AXIN1: variants seen among roughly 807,000 people sequenced by gnomAD.
AXIN1 encodes axin 1.
Under a neutral mutation model 76.4 loss-of-function variants are expected in AXIN1, and 30 were observed. The observed-to-expected ratio is 0.39, with a 90% CI of 0.29 to 0.53. AXIN1 has a LOEUF of 0.53. Ranked by LOEUF, AXIN1 falls within the 20% of genes least tolerant of loss-of-function variation. AXIN1 has a pLI of 0.66. For synonymous variants in AXIN1, 545 were observed against 501.4 expected (o/e 1.09, Z -1.16); for missense variants, 1,140 against 1,198.8 (o/e 0.95, Z 0.72).
At chr16:351,800 A>C (rs1043280017) in intron 1 of AXIN1, among the ~76,000 whole-genome samples, 1 of 152,080 alleles carries the variant, frequency 6.6e-6, no homozygotes, top group Non-Finnish European at 1.5e-5. Flanking sequence ...CAGAGAACTG[A>C]CATGTTTTTC....
chr16:297,145 G>C lies in AXIN1; in HGVS notation c.1866C>G (p.Ala622=). 2 of 1,612,476 alleles carry C rather than the reference G, an allele frequency of 1.2e-6. No homozygotes were observed. The highest frequency in any genetic ancestry group is 1.7e-4 in the Middle Eastern group (1 of 6,060). Residue 622 remains alanine, a synonymous_variant, in exon 7 of 11, where the codon GCC becomes GCG. Coordinates refer to ENST00000262320, the MANE Select transcript of AXIN1 (RefSeq NM_003502.4). ...GKSASTEVPG[A]SEDAEKNQKI... ...TCTGGTTCTTCTCCGCATCCTCCGA[G>C]GCACCTGGCACCTCGGTGCTGGCGC...
chr16:299,515 C>G (rs2052810764), intron 5 of AXIN1, among the ~76,000 whole-genome samples: 1 of 151,154 alleles, frequency 6.6e-6, no homozygotes, highest in African/African-American at 2.4e-5. Flanking sequence ...ACCATGCCTG[C>G]CTAATTTTTT....
intron 5 of AXIN1, among the ~76,000 whole-genome samples, chr16:299,883 C>A (rs1280315544): frequency 6.7e-6 from 1 of 149,194 alleles, no homozygotes; most frequent in Non-Finnish European, 1.5e-5. Context: ...TCTCGATCTC[C>A]CGACCTCGTG....
In AXIN1 at chr16:352,560, G is replaced by C; in HGVS notation, c.-273C>G. 1 of 274,972 alleles carries C rather than the reference G, an allele frequency of 3.6e-6. No individual in the cohort carries two copies. The highest frequency in any genetic ancestry group is 5.4e-6 in the Non-Finnish European group (1 of 183,496). 17.0% of individuals were successfully genotyped at this position (274,972 alleles called of 1,614,324 possible). A position where few individuals can be genotyped will look rare whatever the true frequency, so the allele number is the denominator to read the frequency against. The stretch of plus-strand genomic sequence containing the variant: ...GGCAGGCCGCGGGGGCGCCGCAGGG[G>C]CCCAGCCGCCAGCTCCCACCCGCCC... On this transcript the variant is annotated 5_prime_UTR_variant, in exon 1 of 11. Coordinates refer to ENST00000262320, the MANE Select transcript of AXIN1 (RefSeq NM_003502.4).
chr16:310,301 C>T (rs940710999), intron 3 of AXIN1, among the ~76,000 whole-genome samples: 4 of 152,230 alleles, frequency 2.6e-5, no homozygotes, highest in African/African-American at 9.6e-5. Flanking sequence ...CCCAGCCACG[C>T]GTCTTCCTAG....
chr16:316,833 G>A (rs1567283354), intron 2 of AXIN1, among the ~76,000 whole-genome samples: 1 of 152,188 alleles, frequency 6.6e-6, no homozygotes, highest in East Asian at 1.9e-4. Flanking sequence ...TCCCAGAGGG[G>A]AAAACAGTAT....
At chr16:297,492 G>A (rs2052745794) in intron 6 of AXIN1, among the ~76,000 whole-genome samples, 1 of 152,266 alleles carries the variant, frequency 6.6e-6, no homozygotes, top group Non-Finnish European at 1.5e-5. Context: ...TGAAGACTGA[G>A]GGCCAGAGCG....
intron 2 of AXIN1, among the ~76,000 whole-genome samples, chr16:334,397 CCCAG>C: frequency 6.7e-6 from 1 of 149,032 alleles, no homozygotes; most frequent in Non-Finnish European, 1.5e-5. Context: ...ATGCCAATAA[CCCAG>C]CACCCAGTAC....
intron 2 of AXIN1, among the ~76,000 whole-genome samples, chr16:326,077 A>G (rs2053573253): frequency 6.6e-6 from 1 of 152,098 alleles, no homozygotes; most frequent in Admixed American, 6.6e-5. Flanking sequence ...AACAAGGGCC[A>G]GGCGTGGTGG....
At chr16:310,643 C>T (rs1272670050) in intron 3 of AXIN1, among the ~76,000 whole-genome samples, 5 of 152,298 alleles carry the variant, frequency 3.3e-5, no homozygotes, top group Non-Finnish European at 7.4e-5. Flanking sequence ...GTGATCCGCC[C>T]GCCTCGGCCT....
At chr16:349,215 CT>C (rs1417411519) in intron 1 of AXIN1, among the ~76,000 whole-genome samples, 1 of 152,188 alleles carries the variant, frequency 6.6e-6, no homozygotes, top group Non-Finnish European at 1.5e-5. Context: ...CAGCTAAGGA[CT>C]TTTTGTGAAC....
chr16:310,144 G>A (rs1288654590), intron 3 of AXIN1, 75 bp from the exon 4 acceptor site: 3 of 1,373,838 alleles, frequency 2.2e-6, no homozygotes, highest in East Asian at 5.0e-5. Context: ...AGAGCTCCTG[G>A]CCCCGACCGC....
intron 2 of AXIN1, among the ~76,000 whole-genome samples, chr16:325,712 G>T (rs2053566187): frequency 6.6e-6 from 1 of 152,208 alleles, no homozygotes. Context: ...GCAGGCTCCA[G>T]CCCTGAGAAG....
chr16:289,141 A>T (rs1427155548), intron 10 of AXIN1, among the ~76,000 whole-genome samples: 2 of 149,164 alleles, frequency 1.3e-5, no homozygotes, highest in African/African-American at 5.0e-5. Context: ...CAGGCTGGAG[A>T]GCAGTGGCGT....
At chr16:329,733 C>T (rs1440100555) in intron 2 of AXIN1, among the ~76,000 whole-genome samples, 5 of 152,144 alleles carry the variant, frequency 3.3e-5, no homozygotes, top group Non-Finnish European at 5.9e-5. Context: ...ACGCCATTCT[C>T]CTGCTTCAGC....
intron 7 of AXIN1, 48 bp downstream of exon 7, chr16:297,008 G>C: frequency 1.3e-6 from 2 of 1,597,388 alleles, no homozygotes; most frequent in African/African-American, 2.7e-5. Context: ...CGGAGGCCAG[G>C]GGTGGCAAAG....
Position 298,201 on chromosome 16 carries a change from A to C in AXIN1, c.1305T>G (p.Cys435Trp). The C allele has an allele frequency of 6.5e-7, 1 of 1,541,422 alleles. No homozygotes were observed. The highest frequency in any genetic ancestry group is 8.7e-7 in the Non-Finnish European group (1 of 1,147,232). Reference protein sequence around the residue: ...GDPSSGPPGPCHKLPPAPAWH... With the variant: ...GDPSSGPPGPWHKLPPAPAWH... ...AAGCGGGGGCGGGAGGCAGCTTGTG[A>C]CACGGCCCTGGGGGCCCTGACGATG... Residue 435 changes from cysteine to tryptophan, a missense_variant, in exon 6 of 11, where the codon TGT becomes TGG. Physicochemically the swap from Cys to Trp is radical, Grantham distance 215. This residue lies in a region of AXIN1 where 708 missense variants were observed against 776.9 expected (regional missense o/e 0.91). Coordinates refer to ENST00000262320, the MANE Select transcript of AXIN1 (RefSeq NM_003502.4).
chr16:297,694 C>T (rs903399954), intron 6 of AXIN1, 28 bp downstream of exon 6: 13 of 1,579,918 alleles, frequency 8.2e-6, no homozygotes, highest in Non-Finnish European at 1.0e-5. Flanking sequence ...ACCCCAAGCC[C>T]CCTCCTCACT....
At chr16:315,522 T>A (rs936884108) in intron 2 of AXIN1, among the ~76,000 whole-genome samples, 5 of 152,176 alleles carry the variant, frequency 3.3e-5, no homozygotes, top group African/African-American at 4.8e-5. Flanking sequence ...CAAACAAAAT[T>A]TTTCATTTCT....
Sources: allele counts gnomAD v4.1 joint callset (sites outside exome capture counted in the v4.1 genomes callset), GRCh38; gene constraint gnomAD v4.1.1; regional missense constraint gnomAD v4.1.1; transcripts MANE v1.5; gene names NCBI Gene and HGNC (gene_info 2026-07-23, HGNC 2026-07-21).